ZC3H15: variants seen among roughly 807,000 people sequenced by gnomAD.
The protein encoded by ZC3H15 is zinc finger CCCH domain-containing protein 15.
ZC3H15 carries 15 observed loss-of-function variants against 51.2 expected under a neutral mutation model. The observed-to-expected ratio is 0.29, with a 90% confidence interval of 0.20 to 0.45. The LOEUF (loss-of-function observed/expected upper bound fraction) is 0.45, where lower values mean the gene tolerates loss of function less well. ZC3H15 is among the 20% of genes least tolerant of loss of function. ZC3H15 has a pLI of 1.00. For missense variants in ZC3H15, 381 were observed against 494.7 expected, an observed-to-expected ratio of 0.77 and a Z score of 2.18; for synonymous variants, 144 against 162.8, an observed-to-expected ratio of 0.88 and a Z score of 0.88.
intron 1 of ZC3H15, among the ~76,000 whole-genome samples, chr2:186,488,404 T>C (rs1412794048): frequency 6.6e-6 from 1 of 152,240 alleles, no homozygotes; most frequent in Middle Eastern, 3.2e-3. Flanking sequence ...CTCTAGGAAC[T>C]CATATAAATT....
At position 186,495,330 on chromosome 2, in the gene ZC3H15, G is replaced by A. The variant is rs772217905; in HGVS notation, c.173G>A (p.Arg58His). 4.0e-6 allele frequency: 6 copies of A among 1,496,068 alleles called. No homozygotes were observed. The South Asian group carries it at 4.3e-5, about 11-fold the overall frequency. The allele number at this position is 1,496,068 out of a possible 1,614,324, so 92.7% of individuals were successfully genotyped here. The part of the protein sequence containing the change: ...HQVKFGQQNP[R>H]QVAQSEAEKK... Reference sequence around the variant, plus strand: ...GTTAAATTTGGTCAACAAAATCCACGTCAGGTAAGTAATTTAAATGTCCAT... The same window carrying A: ...GTTAAATTTGGTCAACAAAATCCACATCAGGTAAGTAATTTAAATGTCCAT... The change falls in exon 2 of 10, where the codon CGT becomes CAT. Residue 58 changes from arginine (R) to histidine (H), a missense_variant. Physicochemically the swap from Arg to His is conservative, Grantham distance 29. Transcript: ENST00000337859.
At chr2:186,505,388 C>A (rs929857036) in intron 6 of ZC3H15, 63 bp from the exon 7 acceptor site, 5 of 1,485,512 alleles carry the variant, frequency 3.4e-6, no homozygotes, top group Non-Finnish European at 4.5e-6. Flanking sequence ...TAAGAGATAA[C>A]TGCAACTAAG....
At chr2:186,496,444 C>T (rs553247042) in intron 2 of ZC3H15, among the ~76,000 whole-genome samples, 4 of 152,286 alleles carry the variant, frequency 2.6e-5, no homozygotes, top group Admixed American at 2.0e-4. Flanking sequence ...CCTCACAATC[C>T]GCCTGCCTTG....
intron 7 of ZC3H15, 38 bp downstream of exon 7, chr2:186,505,635 T>C (rs771085952): frequency 4.4e-6 from 7 of 1,598,356 alleles, no homozygotes; most frequent in Non-Finnish European, 4.3e-6. Flanking sequence ...TCTTTATTCT[T>C]CCATTTTCAA....
At chr2:186,490,723 C>CCGTAAAAGGAATGGGATTA (rs1685183005) in intron 1 of ZC3H15, among the ~76,000 whole-genome samples, 1 of 152,066 alleles carries the variant, frequency 6.6e-6, no homozygotes, top group Non-Finnish European at 1.5e-5. Context: ...GGAGGCTGGC[C>CCGTAAAAGGAATGGGATTA]CGTAAAAGGA....
chr2:186,504,651 ACT>A (rs1281350150), intron 6 of ZC3H15, among the ~76,000 whole-genome samples: 1 of 152,072 alleles, frequency 6.6e-6, no homozygotes, highest in Admixed American at 6.6e-5. Flanking sequence ...CAAAACACTC[ACT>A]CTGCTTATAG....
chr2:186,495,151 A>T, intron 1 of ZC3H15, 82 bp from the exon 2 acceptor site: 1 of 790,666 alleles, frequency 1.3e-6, no homozygotes, highest in Non-Finnish European at 1.9e-6. Context: ...TTATCAATAA[A>T]AATAATGATT....
intron 2 of ZC3H15, chr2:186,497,086 C>T (rs1459962407): frequency 4.9e-6 from 2 of 408,028 alleles, no homozygotes; most frequent in East Asian, 8.3e-5. Context: ...TTCTTTAGAC[C>T]TCTCACTTGT....
chr2:186,486,764 C>G (rs1277348737), intron 1 of ZC3H15: 2 of 348,028 alleles, frequency 5.7e-6, no homozygotes, highest in Non-Finnish European at 1.0e-5. Flanking sequence ...CTAGTCCTCT[C>G]AGAATTGAGG....
chr2:186,495,341 A>G lies in ZC3H15; in HGVS notation c.177+7A>G. 4 of 1,454,962 alleles carry G rather than the reference A, an allele frequency of 2.7e-6. No homozygotes were observed. Among genetic ancestry groups the G allele is most frequent in the Non-Finnish European group, 3.7e-6 (4 of 1,092,268 alleles). 90.1% of individuals were successfully genotyped at this position (1,454,962 alleles called of 1,614,324 possible). On this transcript the variant is annotated splice_region_variant and intron_variant, in intron 2 of 9. Coordinates refer to ENST00000337859, the MANE Select transcript of ZC3H15 (RefSeq NM_018471.3). ...TCAACAAAATCCACGTCAGGTAAGT[A>G]ATTTAAATGTCCATATCTTTTTATA...
chr2:186,509,217 G>A lies in ZC3H15; in HGVS notation c.*484G>A. 1 of 244,500 alleles carries A rather than the reference G, an allele frequency of 4.1e-6. No individual in the cohort carries two copies. The highest frequency in any genetic ancestry group is 8.2e-6 in the Non-Finnish European group (1 of 122,378). The allele number at this position is 244,500 out of a possible 1,614,324, so 15.1% of individuals were successfully genotyped here. On this transcript the variant is annotated 3_prime_UTR_variant, in exon 10 of 10. Coordinates refer to ENST00000337859, the MANE Select transcript of ZC3H15 (RefSeq NM_018471.3). Reference sequence around the variant, plus strand: ...TGCAGATTCAGTATTGTGTATCTTTGGACAATTAGATGGACATTTAAAATG... The same window carrying A: ...TGCAGATTCAGTATTGTGTATCTTTAGACAATTAGATGGACATTTAAAATG...
intron 9 of ZC3H15, among the ~76,000 whole-genome samples, chr2:186,507,081 TCAC>T (rs1685481458): frequency 6.6e-6 from 1 of 152,172 alleles, no homozygotes; most frequent in Non-Finnish European, 1.5e-5. Flanking sequence ...GTCAATGAGT[TCAC>T]TTCGGGACCT....
chr2:186,495,291 C>T lies in ZC3H15; in HGVS notation c.134C>T (p.Ala45Val), dbSNP rs780826787. 1.3e-6 allele frequency: 2 copies of T among 1,553,070 alleles called. No individual in the cohort carries two copies. The highest frequency in any genetic ancestry group is 4.9e-5 in the East Asian group (2 of 40,690). ...KGAKQQKFIK[A>V]VTHQVKFGQQ... is the part of the protein sequence containing the mutation. ...GCAAAGCAACAGAAGTTTATCAAGG[C>T]TGTCACACATCAAGTTAAATTTGGT... The change falls in exon 2 of 10, where the codon GCT (alanine) becomes GTT (valine). Residue 45 changes from alanine to valine, a missense_variant. Physicochemically the swap from Ala to Val is moderately conservative, Grantham distance 64 (BLOSUM62 0). Around this residue, in one of 3 missense-constraint regions of ZC3H15, gnomAD observed 125 missense variants for 166.3 expected, o/e 0.75. Coordinates refer to ENST00000337859, the MANE Select transcript of ZC3H15 (RefSeq NM_018471.3).
Position 186,502,595 on chromosome 2 carries a change from CT to C in ZC3H15, c.534+12del, listed in dbSNP as rs1267074392. 7.5e-6 allele frequency: 12 copies of C among 1,601,126 alleles called. No individual in the cohort carries two copies. The Admixed American group carries it at 2.0e-4, about 27-fold the overall frequency. On this transcript the variant is annotated intron_variant, in intron 5 of 9. Transcript: ENST00000337859. ...AAACCAAAAACTCAAATAGTATGTCCTTTTCTTGAATTGAGTTGCTGTGATA... is the reference window on the plus strand; with the variant it reads ...AAACCAAAAACTCAAATAGTATGTCCTTTCTTGAATTGAGTTGCTGTGATA...
intron 1 of ZC3H15, among the ~76,000 whole-genome samples, chr2:186,493,276 G>C (rs1401198499): frequency 9.2e-5 from 14 of 152,124 alleles, no homozygotes. Flanking sequence ...GGGTCTTCTT[G>C]GAGGTGGGAG....
At chr2:186,488,825 A>G (rs564262673) in intron 1 of ZC3H15, 133 of 151,306 alleles carry the variant, frequency 8.8e-4, no homozygotes, top group South Asian at 2.3e-3. Flanking sequence ...TGGTGTGTCT[A>G]TTTCTCTGGG....
chr2:186,503,666 C>T (rs1685423125), intron 5 of ZC3H15, among the ~76,000 whole-genome samples: 1 of 152,180 alleles, frequency 6.6e-6, no homozygotes. Flanking sequence ...TAGGTGTAAG[C>T]CACAACGCCT....
chr2:186,495,866 A>G (rs956249146), intron 2 of ZC3H15, among the ~76,000 whole-genome samples: 2 of 152,206 alleles, frequency 1.3e-5, no homozygotes, highest in African/African-American at 4.8e-5. Context: ...GTATAAAGTG[A>G]TATCTTATTG....
In ZC3H15 at chr2:186,506,252, A is replaced by C. The variant is rs562501956; in HGVS notation, c.966+411A>C. On this transcript the variant is annotated intron_variant, in intron 8 of 9. Coordinates refer to ENST00000337859, the MANE Select transcript of ZC3H15 (RefSeq NM_018471.3). ...AGTGTAGGGAGCATGAGACAATAGC[A>C]CAGTCATTTGGTTGTTGACAGATTT... Among the ~76,000 whole-genome samples, 244 of 152,122 alleles carry C rather than the reference A, an allele frequency of 1.6e-3. 1 individual carries two copies. Among genetic ancestry groups the C allele is most frequent in the Non-Finnish European group, 2.5e-3 (170 of 67,964 alleles).
Sources: gnomAD v4.1 joint callset for allele counts (sites outside exome capture counted in the v4.1 genomes callset) on GRCh38, gnomAD v4.1.1 for gene constraint, gnomAD v4.1.1 regional missense constraint, MANE v1.5 for transcripts, NCBI Gene and HGNC (gene_info 2026-07-23, HGNC 2026-07-21) for gene names.